DLC1: variants seen among roughly 807,000 people sequenced by gnomAD.
DLC1 encodes rho GTPase-activating protein 7.
A neutral mutation model predicts 140.3 loss-of-function variants in DLC1; 54 were observed. That is an observed-to-expected ratio of 0.38 (90% CI 0.31 to 0.48). The LOEUF (loss-of-function observed/expected upper bound fraction) is 0.48, where lower values mean the gene tolerates loss of function less well. DLC1 is among the 20% of genes least tolerant of loss of function. The pLI, the probability that DLC1 is intolerant of heterozygous loss-of-function variation, is 0.96. For synonymous variants in DLC1, 986 were observed against 728.1 expected (o/e 1.35, Z -5.70); for missense variants, 2,536 against 1,907.0 (o/e 1.33, Z -6.14).
intron 5 of DLC1, among the ~76,000 whole-genome samples, chr8:13,152,090 A>C (rs1369703690): frequency 6.6e-6 from 1 of 152,208 alleles, no homozygotes; most frequent in African/African-American, 2.4e-5. Context: ...TTTACTAAAT[A>C]CAGTCTCAGG....
At chr8:13,289,373 A>G (rs1729130) in intron 5 of DLC1, among the ~76,000 whole-genome samples, 145,938 of 152,192 alleles carry the variant, frequency 0.96, 70,105 homozygotes, top group East Asian at 1. Flanking sequence ...TTTTTTTTTC[A>G]TAGAGTTGGA....
chr8:13,268,986 T>G (rs576873860), intron 5 of DLC1, among the ~76,000 whole-genome samples: 60 of 150,880 alleles, frequency 4.0e-4, no homozygotes, highest in African/African-American at 1.4e-3. Flanking sequence ...GCCATTCTCC[T>G]GCCTCAGCCT....
At chr8:13,187,506 C>T (rs1011998123) in intron 5 of DLC1, among the ~76,000 whole-genome samples, 4 of 152,092 alleles carry the variant, frequency 2.6e-5, no homozygotes, top group Non-Finnish European at 4.4e-5. Flanking sequence ...GGAAAACATA[C>T]TCTGTGATTC....
At chr8:13,179,828 A>C (rs1825943783) in intron 5 of DLC1, among the ~76,000 whole-genome samples, 1 of 152,184 alleles carries the variant, frequency 6.6e-6, no homozygotes, top group South Asian at 2.1e-4. Flanking sequence ...TATTATATAA[A>C]AATGGAGATA....
chr8:13,510,840 C>A (rs73210007), intron 1 of DLC1, among the ~76,000 whole-genome samples: 8,334 of 152,140 alleles, frequency 0.055, 744 homozygotes, highest in East Asian at 0.37. Flanking sequence ...ACCTCTGGCC[C>A]CAGGCTCTGA....
At chr8:13,514,036 C>CTTT (rs558076579) in intron 1 of DLC1, among the ~76,000 whole-genome samples, 1 of 147,206 alleles carries the variant, frequency 6.8e-6, no homozygotes, top group African/African-American at 2.5e-5. Context: ...CACGTGTTTA[C>CTTT]TTTTTTTTTT....
intron 5 of DLC1, among the ~76,000 whole-genome samples, chr8:13,202,088 A>C (rs1827420161): frequency 6.6e-6 from 1 of 151,684 alleles, no homozygotes; most frequent in Admixed American, 6.6e-5. Flanking sequence ...TGGGACTACC[A>C]GTGCGCGCCA....
chr8:13,262,237 A>C (rs900896734), intron 5 of DLC1, among the ~76,000 whole-genome samples: 1 of 152,210 alleles, frequency 6.6e-6, no homozygotes, highest in African/African-American at 2.4e-5. Context: ...AACTGAACTT[A>C]GGAGACTTAA....
Position 13,098,346 on chromosome 8 carries a change from C to G in DLC1, c.3167+53G>C, listed in dbSNP as rs1280827146. 1.9e-6 allele frequency: 3 copies of G among 1,600,328 alleles called. No individual in the cohort carries two copies. The Admixed American group carries it at 5.1e-5, about 27-fold the overall frequency. ...TTACTGTGGGGACAACCTCAAGGAA[C>G]TGACCAAAAATATCATTTTCAACGA... On this transcript the variant is annotated intron_variant, in intron 10 of 17. Coordinates refer to ENST00000276297, the MANE Select transcript of DLC1 (RefSeq NM_182643.3).
intron 2 of DLC1, among the ~76,000 whole-genome samples, chr8:13,456,111 C>T (rs887368035): frequency 3.9e-5 from 6 of 152,146 alleles, no homozygotes; most frequent in Non-Finnish European, 7.4e-5. Context: ...CAGAGTTTCC[C>T]GTAACAGCAA....
At chr8:13,378,974 A>G (rs1323231070) in intron 4 of DLC1, among the ~76,000 whole-genome samples, 6 of 152,222 alleles carry the variant, frequency 3.9e-5, no homozygotes, top group Non-Finnish European at 8.8e-5. Flanking sequence ...GTAATGAAAG[A>G]TATTGAAATA....
rs370627512 is a variant in DLC1, at chr8:13,287,179, C to A, written c.1348+18090G>T. Among the ~76,000 whole-genome samples the A allele has an allele frequency of 2.6e-5, 4 of 152,240 alleles. No individual in the cohort carries two copies. The South Asian group carries it at 8.3e-4, about 32-fold the overall frequency. Reference sequence around the variant, plus strand: ...GAAACTCTGACTCTAACTTTCCCTCCCACTTCTTACTGGCTTGGGCTTTCT... The same window carrying A: ...GAAACTCTGACTCTAACTTTCCCTCACACTTCTTACTGGCTTGGGCTTTCT... On this transcript the variant is annotated intron_variant, in intron 5 of 17. Transcript: ENST00000276297.
chr8:13,176,263 G>A lies in DLC1; in HGVS notation c.1349-60606C>T, dbSNP rs191838437. Among the ~76,000 whole-genome samples the A allele has an allele frequency of 2.6e-5, 4 of 152,244 alleles. No individual in the cohort carries two copies. The East Asian group carries it at 7.7e-4, about 29-fold the overall frequency. ...AAGTGATTTAAATTCTTGATAGAGGGATGAAAACTGCCTTCTAATAAAAAC... is the reference window on the plus strand; with the variant it reads ...AAGTGATTTAAATTCTTGATAGAGGAATGAAAACTGCCTTCTAATAAAAAC... On this transcript the variant is annotated intron_variant, in intron 5 of 17. Transcript: ENST00000276297.
chr8:13,550,202 G>T (rs1377740404), intron 1 of DLC1, among the ~76,000 whole-genome samples: 1 of 152,092 alleles, frequency 6.6e-6, no homozygotes, highest in African/African-American at 2.4e-5. Flanking sequence ...CCCCCATGCT[G>T]TGCTTGTGAT....
chr8:13,348,175 A>T (rs1298718403), intron 4 of DLC1, among the ~76,000 whole-genome samples: 2 of 152,178 alleles, frequency 1.3e-5, no homozygotes, highest in Non-Finnish European at 2.9e-5. Context: ...CATCTTGTGT[A>T]TATGTGGAGG....
chr8:13,563,175 C>A (rs1202235264), intron 1 of DLC1, among the ~76,000 whole-genome samples: 1 of 152,114 alleles, frequency 6.6e-6, no homozygotes, highest in African/African-American at 2.4e-5. Flanking sequence ...CCTTTGAGGA[C>A]TACGTTAGCC....
At chr8:13,269,473 C>T (rs1002823615) in intron 5 of DLC1, among the ~76,000 whole-genome samples, 2 of 152,046 alleles carry the variant, frequency 1.3e-5, no homozygotes, top group African/African-American at 2.4e-5. Context: ...TGGCTTGTGC[C>T]TGTAGTCCCA....
intron 5 of DLC1, among the ~76,000 whole-genome samples, chr8:13,251,655 TG>T (rs1250380258): frequency 6.6e-6 from 1 of 152,096 alleles, no homozygotes; most frequent in African/African-American, 2.4e-5. Context: ...AATTGAATCT[TG>T]TCAGCTGTGG....
intron 2 of DLC1, among the ~76,000 whole-genome samples, chr8:13,417,765 A>G (rs1308010152): frequency 6.6e-6 from 1 of 152,128 alleles, no homozygotes; most frequent in African/African-American, 2.4e-5. Flanking sequence ...TTCTAGTTCT[A>G]GATCCCTGAG....
Sources: allele counts gnomAD v4.1 joint callset (sites outside exome capture counted in the v4.1 genomes callset), GRCh38; gene constraint gnomAD v4.1.1; transcripts MANE v1.5; gene names NCBI Gene and HGNC (gene_info 2026-07-23, HGNC 2026-07-21).